The following CHRNA7 variants were observed in gnomAD, a reference collection of about 807,000 sequenced individuals.
CHRNA7 encodes neuronal acetylcholine receptor subunit alpha-7.
CHRNA7 carries 17 observed loss-of-function variants against 48.0 expected under a neutral mutation model. That is an observed-to-expected ratio of 0.35 (90% CI 0.24 to 0.53). CHRNA7 has a LOEUF of 0.53. Ranked by LOEUF, CHRNA7 falls within the 20% of genes least tolerant of loss-of-function variation. The probability of loss-of-function intolerance (pLI) is 0.92; values close to 1 mark genes in which losing one functional copy is unlikely to be tolerated. For missense variants in CHRNA7, 155 were observed against 577.7 expected (o/e 0.27, Z 7.50); for synonymous variants, 75 against 242.3 (o/e 0.31, Z 6.41).
chr15:32,070,320 A>T (rs928149588), intron 2 of CHRNA7, among the ~76,000 whole-genome samples: 17 of 152,122 alleles, frequency 1.1e-4, no homozygotes, highest in Admixed American at 1.0e-3. Flanking sequence ...TATTTTGCTC[A>T]CTATTTAATT....
intron 2 of CHRNA7, chr15:32,100,768 A>AAAGCCCAGATCTGC (rs2050557162): frequency 6.4e-6 from 1 of 155,092 alleles, no homozygotes; most frequent in South Asian, 2.0e-4. Context: ...GGTTGAGAGA[A>AAAGCCCAGATCTGC]AAGCCCAGAT....
intron 2 of CHRNA7, among the ~76,000 whole-genome samples, chr15:32,052,980 T>C (rs72713546): frequency 0.046 from 7,062 of 152,268 alleles, 242 homozygotes; most frequent in East Asian, 0.13. Context: ...AAATATCACA[T>C]GTACCTCCAA....
intron 2 of CHRNA7, among the ~76,000 whole-genome samples, chr15:32,053,691 A>G (rs1274329250): frequency 6.6e-6 from 1 of 152,216 alleles, no homozygotes; most frequent in Non-Finnish European, 1.5e-5. Context: ...AAGATACCGC[A>G]GAGGCCTTGG....
At chr15:32,104,980 G>A (rs2050638648) in intron 3 of CHRNA7, among the ~76,000 whole-genome samples, 1 of 152,100 alleles carries the variant, frequency 6.6e-6, no homozygotes, top group Non-Finnish European at 1.5e-5. Flanking sequence ...TATATGATTT[G>A]GCAATTTTAT....
intron 2 of CHRNA7, among the ~76,000 whole-genome samples, chr15:32,068,753 A>G (rs2050006454): frequency 6.6e-6 from 1 of 152,158 alleles, no homozygotes; most frequent in Non-Finnish European, 1.5e-5. Flanking sequence ...AAGTGTTACT[A>G]CAGACTAAAA....
intron 2 of CHRNA7, among the ~76,000 whole-genome samples, chr15:32,091,941 AT>A (rs2141247120): frequency 8.1e-6 from 1 of 123,258 alleles, no homozygotes; most frequent in East Asian, 2.4e-4. Flanking sequence ...GCAGGATAGT[AT>A]TAACATTATA....
chr15:32,079,300 A>C (rs2050180746), intron 2 of CHRNA7, among the ~76,000 whole-genome samples: 2 of 152,220 alleles, frequency 1.3e-5, no homozygotes. Context: ...AATTCTGGCC[A>C]GGGAAATCAG....
At chr15:32,053,713 C>T (rs2049734209) in intron 2 of CHRNA7, among the ~76,000 whole-genome samples, 1 of 152,144 alleles carries the variant, frequency 6.6e-6, no homozygotes, top group South Asian at 2.1e-4. Context: ...GTCACAGCTC[C>T]CAGGTAGCCA....
intron 4 of CHRNA7, among the ~76,000 whole-genome samples, chr15:32,142,517 G>A (rs1346349652): frequency 6.6e-6 from 1 of 152,156 alleles, no homozygotes; most frequent in East Asian, 1.9e-4. Flanking sequence ...CTGTACCTCT[G>A]GCAGAATTCG....
chr15:32,040,829 ACTT>A (rs566399048), intron 2 of CHRNA7, among the ~76,000 whole-genome samples: 100 of 151,898 alleles, frequency 6.6e-4, no homozygotes, highest in Middle Eastern at 6.8e-3. Context: ...TTTTTAAAGA[ACTT>A]CTTTTAACAT....
At chr15:32,134,367 CAG>C (rs1198414271) in intron 4 of CHRNA7, among the ~76,000 whole-genome samples, 1 of 152,130 alleles carries the variant, frequency 6.6e-6, no homozygotes, top group Non-Finnish European at 1.5e-5. Context: ...CCATGTTAGC[CAG>C]GCTGGTCTTG....
intron 2 of CHRNA7, among the ~76,000 whole-genome samples, chr15:32,062,061 G>A (rs1162376018): frequency 1.3e-5 from 2 of 152,102 alleles, no homozygotes; most frequent in Non-Finnish European, 1.5e-5. Flanking sequence ...ATTGTTCTCT[G>A]CTTCCATTTA....
chr15:32,153,159 G>A (rs934557656), intron 4 of CHRNA7, among the ~76,000 whole-genome samples: 7 of 152,206 alleles, frequency 4.6e-5, no homozygotes, highest in African/African-American at 1.7e-4. Context: ...GGTGGCTCAC[G>A]CCTATAATCC....
chr15:32,123,659 C>G (rs1218042493), intron 4 of CHRNA7, among the ~76,000 whole-genome samples: 1 of 152,124 alleles, frequency 6.6e-6, no homozygotes, highest in African/African-American at 2.4e-5. Context: ...AGACCAGTTG[C>G]ACCTGCATAA....
intron 4 of CHRNA7, among the ~76,000 whole-genome samples, chr15:32,112,593 G>A (rs570219103): frequency 1.1e-4 from 17 of 152,328 alleles, no homozygotes; most frequent in East Asian, 5.8e-4. Context: ...AGGGATCCCA[G>A]AACATTTCTG....
chr15:32,062,990 G>A (rs2049903794), intron 2 of CHRNA7, among the ~76,000 whole-genome samples: 3 of 152,162 alleles, frequency 2.0e-5, no homozygotes, highest in Non-Finnish European at 4.4e-5. Context: ...ACTGAATAGT[G>A]TAGGCAATTG....
chr15:32,053,854 G>A (rs978337461), intron 2 of CHRNA7, among the ~76,000 whole-genome samples: 6 of 152,298 alleles, frequency 3.9e-5, no homozygotes, highest in South Asian at 2.1e-4. Context: ...CTGGCTCTGC[G>A]TCAGCTCGTA....
At chr15:32,146,833 C>T (rs370661833) in intron 4 of CHRNA7, among the ~76,000 whole-genome samples, 69 of 152,170 alleles carry the variant, frequency 4.5e-4, no homozygotes, top group African/African-American at 1.6e-3. Flanking sequence ...TGAGACTGTA[C>T]AAGTAAATTT....
At chr15:32,105,859 A>G (rs1312443830) in intron 3 of CHRNA7, among the ~76,000 whole-genome samples, 4 of 152,216 alleles carry the variant, frequency 2.6e-5, no homozygotes, top group Admixed American at 6.5e-5. Context: ...CTGTCTCCCA[A>G]CTGAATTTTT....
Sources: gnomAD v4.1 joint callset for allele counts (sites outside exome capture counted in the v4.1 genomes callset) on GRCh38, gnomAD v4.1.1 for gene constraint, MANE v1.5 for transcripts, NCBI Gene and HGNC (gene_info 2026-07-23, HGNC 2026-07-21) for gene names.